ST6GALNAC5: variants seen among roughly 807,000 people sequenced by gnomAD.
ST6GALNAC5 encodes the protein alpha-N-acetylgalactosaminide alpha-2,6-sialyltransferase 5.
In ST6GALNAC5, 27 loss-of-function variants were observed where a neutral mutation model predicts 33.6. The ratio of observed to expected loss-of-function variants is 0.80; its 90% CI spans 0.59 to 1.11. ST6GALNAC5 has a LOEUF of 1.11. Among genes scored for constraint, ST6GALNAC5 ranks in the 50% least tolerant of loss-of-function variants. The pLI is 0.00. For missense variants in ST6GALNAC5, 428 were observed against 454.0 expected (o/e 0.94, Z 0.52); for synonymous variants, 194 against 171.2 (o/e 1.13, Z -1.04).
At chr1:77,034,669 G>A (rs775884790) in intron 2 of ST6GALNAC5, among the ~76,000 whole-genome samples, 4 of 152,182 alleles carry the variant, frequency 2.6e-5, no homozygotes, top group Admixed American at 1.3e-4. Context: ...GCTGTATAGC[G>A]ATTCCCAGTT....
intron 2 of ST6GALNAC5, among the ~76,000 whole-genome samples, chr1:77,004,820 G>T (rs1052030480): frequency 2.1e-4 from 28 of 130,754 alleles, no homozygotes; most frequent in African/African-American, 6.7e-4. Context: ...CAGGGGTCAG[G>T]GACCCACTTG....
At chr1:76,956,911 A>C (rs1648022816) in intron 2 of ST6GALNAC5, among the ~76,000 whole-genome samples, 1 of 152,064 alleles carries the variant, frequency 6.6e-6, no homozygotes, top group African/African-American at 2.4e-5. Flanking sequence ...ACTCCTTCAA[A>C]CCATCAGGGA....
At chr1:77,010,685 C>T (rs568208545) in intron 2 of ST6GALNAC5, among the ~76,000 whole-genome samples, 1 of 152,158 alleles carries the variant, frequency 6.6e-6, no homozygotes, top group East Asian at 1.9e-4. Context: ...CCAGGAGGCG[C>T]TATGTCTGAC....
chr1:77,038,023 A>G (rs1651709684), intron 2 of ST6GALNAC5, among the ~76,000 whole-genome samples: 1 of 152,230 alleles, frequency 6.6e-6, no homozygotes, highest in African/African-American at 2.4e-5. Context: ...GGGGCTCAGA[A>G]AAGCTAAGCA....
At chr1:77,045,601 C>T (rs1651981261) in intron 3 of ST6GALNAC5, among the ~76,000 whole-genome samples, 1 of 152,142 alleles carries the variant, frequency 6.6e-6, no homozygotes, top group African/African-American at 2.4e-5. Flanking sequence ...AAGGAAAATG[C>T]TTTCTCAAAA....
At position 76,868,865 on chromosome 1, in the gene ST6GALNAC5, T is replaced by C; in HGVS notation, c.261+123T>C. On this transcript the variant is annotated intron_variant, in intron 2 of 4. Coordinates refer to ENST00000477717, the MANE Select transcript of ST6GALNAC5 (RefSeq NM_030965.3). The surrounding 1 kb of genome is among the most constrained non-coding windows in gnomAD (Gnocchi z 4.3). ...GTGCCGTTCGAAGGCTGGAGGGGAG[T>C]GGACCCGCTGGGGTAGGGTGGGCTA... 2 of 1,389,822 alleles carry C rather than the reference T, an allele frequency of 1.4e-6. No homozygotes were observed. The highest frequency in any genetic ancestry group is 1.9e-6 in the Non-Finnish European group (2 of 1,067,896). The allele number at this position is 1,389,822 out of a possible 1,614,324, so 86.1% of individuals were successfully genotyped here. A position where few individuals can be genotyped will look rare whatever the true frequency, so the allele number is the denominator to read the frequency against.
At chr1:76,878,161 C>T (rs1185374932) in intron 2 of ST6GALNAC5, among the ~76,000 whole-genome samples, 2 of 152,222 alleles carry the variant, frequency 1.3e-5, no homozygotes, top group East Asian at 3.8e-4. Flanking sequence ...GCAATCCCTA[C>T]AGGGATGCGA....
intron 4 of ST6GALNAC5, among the ~76,000 whole-genome samples, chr1:77,058,725 A>G (rs1024646442): frequency 1.3e-5 from 2 of 152,212 alleles, no homozygotes; most frequent in African/African-American, 2.4e-5. Context: ...TGTGAGGACT[A>G]AATAAGTGAG....
chr1:76,957,718 A>G (rs1244609142), intron 2 of ST6GALNAC5, among the ~76,000 whole-genome samples: 2 of 151,658 alleles, frequency 1.3e-5, no homozygotes, highest in Non-Finnish European at 2.9e-5. Context: ...GCAAAATAAC[A>G]TTTTCGCTAC....
chr1:77,064,296 C>T lies in ST6GALNAC5; in HGVS notation c.*1090C>T, dbSNP rs1185608255. ...TTATCTACATTCATATTACTTATAT[C>T]ACTCTTGTGGTTAAAACTACACTTC... On this transcript the variant is annotated 3_prime_UTR_variant, in exon 5 of 5. Transcript: ENST00000477717. 1 of 152,034 alleles carries T rather than the reference C, an allele frequency of 6.6e-6. No individual in the cohort carries two copies. Among genetic ancestry groups the T allele is most frequent in the African/African-American group, 2.4e-5 (1 of 41,382 alleles). 9.4% of individuals were successfully genotyped at this position (152,034 alleles called of 1,614,324 possible).
At chr1:76,966,265 T>C (rs1648473613) in intron 2 of ST6GALNAC5, among the ~76,000 whole-genome samples, 1 of 152,230 alleles carries the variant, frequency 6.6e-6, no homozygotes, top group South Asian at 2.1e-4. Flanking sequence ...GTTTGTGTCC[T>C]CTTTTATTTC....
chr1:76,998,807 C>G (rs561590648), intron 2 of ST6GALNAC5, among the ~76,000 whole-genome samples: 2 of 152,042 alleles, frequency 1.3e-5, no homozygotes, highest in Non-Finnish European at 2.9e-5. Context: ...AATTATAGAC[C>G]GCAGAATGTG....
At chr1:76,889,748 T>C (rs971013006) in intron 2 of ST6GALNAC5, among the ~76,000 whole-genome samples, 12 of 152,144 alleles carry the variant, frequency 7.9e-5, no homozygotes, top group Non-Finnish European at 1.8e-4. Flanking sequence ...AGTTTGCTAA[T>C]TCTCTATTCA....
At chr1:76,933,413 G>A (rs970952255) in intron 2 of ST6GALNAC5, among the ~76,000 whole-genome samples, 2 of 151,796 alleles carry the variant, frequency 1.3e-5, no homozygotes, top group African/African-American at 4.8e-5. Context: ...GAAAGGGAGT[G>A]AACCTGAAAA....
chr1:77,057,988 G>T (rs1052924454), intron 4 of ST6GALNAC5, among the ~76,000 whole-genome samples: 6 of 152,174 alleles, frequency 3.9e-5, no homozygotes, highest in Non-Finnish European at 5.9e-5. Context: ...TGAGCAGCTC[G>T]CAAGCACCAC....
intron 2 of ST6GALNAC5, among the ~76,000 whole-genome samples, chr1:77,017,752 A>G (rs1650904196): frequency 6.6e-6 from 1 of 152,228 alleles, no homozygotes; most frequent in Non-Finnish European, 1.5e-5. Context: ...TCTCAATAGT[A>G]TGAGAAAGAA....
intron 2 of ST6GALNAC5, among the ~76,000 whole-genome samples, chr1:76,966,838 G>T (rs1056170193): frequency 1.3e-5 from 2 of 152,186 alleles, no homozygotes; most frequent in Non-Finnish European, 2.9e-5. Flanking sequence ...GGCCTTTTCT[G>T]CATCTATTGA....
Position 77,044,234 on chromosome 1 carries a change from C to T in ST6GALNAC5, c.292C>T (p.Leu98=). ...GAAAATGCACTGCAGGGACTGTGCC[C>T]TGGTGACCAGCTCAGGGCATCTGCT... is the stretch of plus-strand genomic sequence containing the variant. ...PLKMHCRDCA[L]VTSSGHLLHS... The change falls in exon 3 of 5, where the codon CTG becomes TTG. Residue 98 remains leucine, a synonymous_variant. Transcript: ENST00000477717. 6.2e-7 allele frequency: 1 copy of T among 1,612,576 alleles called. No homozygotes were observed. The highest frequency in any genetic ancestry group is 8.5e-7 in the Non-Finnish European group (1 of 1,179,318).
intron 2 of ST6GALNAC5, among the ~76,000 whole-genome samples, chr1:76,942,153 T>C (rs568987746): frequency 6.6e-6 from 1 of 152,276 alleles, no homozygotes; most frequent in South Asian, 2.1e-4. Context: ...TGCTTCCATT[T>C]ATTCCCTCTT....
Sources: allele counts gnomAD v4.1 joint callset (sites outside exome capture counted in the v4.1 genomes callset), GRCh38; gene constraint gnomAD v4.1.1; non-coding constraint Gnocchi (gnomAD v3.1); transcripts MANE v1.5; gene names NCBI Gene and HGNC (gene_info 2026-07-23, HGNC 2026-07-21).